The following OSGIN1 variants were observed in gnomAD, a reference collection of about 807,000 sequenced individuals.
The protein encoded by OSGIN1 is oxidative stress induced growth inhibitor 1.
A neutral mutation model predicts 20.1 loss-of-function variants in OSGIN1; 19 were observed. The observed-to-expected ratio is 0.95, with a 90% CI of 0.66 to 1.39. OSGIN1 has a LOEUF of 1.39. Ranked by LOEUF, OSGIN1 falls within the 40% of genes most tolerant of loss-of-function variation. The pLI is 0.00. For synonymous variants in OSGIN1, 368 were observed against 297.8 expected, an observed-to-expected ratio of 1.24 and a Z score of -2.43; for missense variants, 820 against 653.0, an observed-to-expected ratio of 1.26 and a Z score of -2.79.
At chr16:83,953,471 A>AGGCG in intron 1 of OSGIN1, 101 bp downstream of exon 1, 1 of 1,116,632 alleles carries the variant, frequency 9.0e-7, no homozygotes, top group South Asian at 1.4e-5. Flanking sequence ...CCCTGGCGCC[A>AGGCG]GGCGGGGGTC....
At chr16:83,954,782 C>T in intron 1 of OSGIN1, 1 of 982,074 alleles carries the variant, frequency 1.0e-6, no homozygotes, top group Non-Finnish European at 1.2e-6. Flanking sequence ...CTGCTGCCTG[C>T]AAAGGGTGGG....
intron 3 of OSGIN1, among the ~76,000 whole-genome samples, chr16:83,959,978 C>A (rs1489981155): frequency 6.6e-6 from 1 of 152,198 alleles, no homozygotes; most frequent in African/African-American, 2.4e-5. Flanking sequence ...CCACTGTGCT[C>A]CTCCACGACC....
In OSGIN1 at chr16:83,965,329, G is replaced by T. The variant is rs374999260; in HGVS notation, c.756G>T (p.Pro252=). 4 of 1,574,036 alleles carry T rather than the reference G, an allele frequency of 2.5e-6. No individual in the cohort carries two copies. In the Admixed American group the frequency reaches 6.9e-5, roughly 27 times the overall value. The stretch of plus-strand genomic sequence containing the variant: ...TCGCCACAGGCACGTTCGACAGCCC[G>T]GCCCGGCTGGGCATCCCCGGGGAGG... ...VVLATGTFDS[P]ARLGIPGEAL... The change falls in exon 6 of 6, where the codon CCG becomes CCT. Residue 252 remains proline, a synonymous_variant. Transcript: ENST00000393306.
In OSGIN1 at chr16:83,965,438, C is replaced by T. The variant is rs1331817299; in HGVS notation, c.865C>T (p.Leu289Phe). The T allele has an allele frequency of 6.3e-7, 1 of 1,593,164 alleles. No individual in the cohort carries two copies. Among genetic ancestry groups the T allele is most frequent in the Admixed American group, 1.7e-5 (1 of 59,474 alleles). Residue 289 changes from leucine (L) to phenylalanine (F), a missense_variant, in exon 6 of 6, where the codon CTC becomes TTC. Leu to Phe is a conservative substitution (Grantham distance 22). Transcript: ENST00000393306. ...GAVTPASDPV[L>F]IIGAGLSAAD... Reference sequence around the variant, plus strand: ...GGTGACCCCGGCCTCAGACCCTGTCCTCATCATTGGCGCGGGGCTGTCAGC... The same window carrying T: ...GGTGACCCCGGCCTCAGACCCTGTCTTCATCATTGGCGCGGGGCTGTCAGC...
intron 4 of OSGIN1, 33 bp downstream of exon 4, chr16:83,960,793 G>A (rs781754590): frequency 9.4e-6 from 15 of 1,603,484 alleles, no homozygotes; most frequent in Non-Finnish European, 1.2e-5. Context: ...GGCTTGTGGG[G>A]GGCTCTCTCC....
intron 1 of OSGIN1, among the ~76,000 whole-genome samples, chr16:83,956,239 G>A (rs1193962510): frequency 6.6e-6 from 1 of 152,234 alleles, no homozygotes; most frequent in East Asian, 1.9e-4. Flanking sequence ...GCCTGGAGGT[G>A]GACGAAGGTG....
rs1460313662 is a variant in OSGIN1, at chr16:83,965,203, C to G, written c.630C>G (p.Ser210Arg). Residue 210 changes from serine to arginine, a missense_variant, in exon 6 of 6, where the codon AGC (serine) becomes AGG (arginine). By Grantham distance (110) the Ser-to-Arg change is moderately radical. Coordinates refer to ENST00000393306, the MANE Select transcript of OSGIN1 (RefSeq NM_182981.3). ...AVEWGTPDPS[S>R]CGAQDSSPLF... Reference sequence around the variant, plus strand: ...AGTGGGGGACCCCCGATCCCAGCAGCTGTGGGGCCCAGGACTCCAGCCCCC... The same window carrying G: ...AGTGGGGGACCCCCGATCCCAGCAGGTGTGGGGCCCAGGACTCCAGCCCCC... The G allele has an allele frequency of 5.0e-6, 8 of 1,613,084 alleles. No homozygotes were observed. The highest frequency in any genetic ancestry group is 6.8e-6 in the Non-Finnish European group (8 of 1,180,004).
At chr16:83,957,827 C>T (rs1909012066) in intron 2 of OSGIN1, 89 bp downstream of exon 2, 5 of 480,842 alleles carry the variant, frequency 1.0e-5, no homozygotes, top group Non-Finnish European at 1.8e-5. Context: ...CAAGTCCAGG[C>T]CTGGTGTCTT....
Position 83,965,454 on chromosome 16 carries a change from G to T in OSGIN1, c.881G>T (p.Gly294Val), listed in dbSNP as rs1310974616. 1 of 1,599,824 alleles carries T rather than the reference G, an allele frequency of 6.3e-7. No homozygotes were observed. Among genetic ancestry groups the T allele is most frequent in the African/African-American group, 1.3e-5 (1 of 75,006 alleles). Residue 294 changes from glycine to valine, a missense_variant, in exon 6 of 6, where the codon GGG (glycine) becomes GTG (valine). Gly to Val is a moderately radical substitution (Grantham distance 109). Transcript: ENST00000393306. ...ASDPVLIIGA[G>V]LSAADAVLYA... ...GACCCTGTCCTCATCATTGGCGCGG[G>T]GCTGTCAGCGGCCGACGCGGTCCTC...
At chr16:83,958,302 G>C (rs977671680) in intron 2 of OSGIN1, among the ~76,000 whole-genome samples, 8 of 152,184 alleles carry the variant, frequency 5.3e-5, no homozygotes, top group Admixed American at 6.5e-5. Flanking sequence ...CAGGGGTCTA[G>C]AACACACCCA....
chr16:83,963,093 C>T (rs1472274373), intron 5 of OSGIN1, among the ~76,000 whole-genome samples: 1 of 152,208 alleles, frequency 6.6e-6, no homozygotes, highest in Non-Finnish European at 1.5e-5. Context: ...GGGCTGTGAC[C>T]AGGCCTGTGT....
At chr16:83,961,633 C>A (rs1191250432) in intron 5 of OSGIN1, among the ~76,000 whole-genome samples, 1 of 152,172 alleles carries the variant, frequency 6.6e-6, no homozygotes. Context: ...TCCTCTTCTT[C>A]CAGAGGGGGA....
chr16:83,953,366 G>C lies in OSGIN1; in HGVS notation c.-37G>C. On this transcript the variant is annotated 5_prime_UTR_variant, in exon 1 of 6. Coordinates refer to ENST00000393306, the MANE Select transcript of OSGIN1 (RefSeq NM_182981.3). The stretch of plus-strand genomic sequence containing the variant: ...TCACTGGGCTCCTGCACCACTGCCT[G>C]TCAGGTGAGTGTCCGGGGCCAGGTT... 2 of 1,288,800 alleles carry C rather than the reference G, an allele frequency of 1.6e-6. No individual in the cohort carries two copies. The highest frequency in any genetic ancestry group is 2.0e-6 in the Non-Finnish European group (2 of 988,498). The allele number at this position is 1,288,800 out of a possible 1,614,324, so 79.8% of individuals were successfully genotyped here.
At chr16:83,957,975 C>T (rs572633548) in intron 2 of OSGIN1, among the ~76,000 whole-genome samples, 3 of 152,148 alleles carry the variant, frequency 2.0e-5, no homozygotes, top group Non-Finnish European at 4.4e-5. Flanking sequence ...CTCCCGGGCT[C>T]AAGCGATTCT....
chr16:83,959,478 A>C, intron 3 of OSGIN1, 82 bp downstream of exon 3: 3 of 1,330,148 alleles, frequency 2.3e-6, no homozygotes, highest in Non-Finnish European at 3.1e-6. Flanking sequence ...GGAAAAACAA[A>C]AGTGTGTGTT....
intron 1 of OSGIN1, 102 bp downstream of exon 1, chr16:83,953,472 G>A: frequency 9.0e-7 from 1 of 1,113,470 alleles, no homozygotes; most frequent in African/African-American, 1.6e-5. Context: ...CCTGGCGCCA[G>A]GCGGGGGTCC....
Position 83,959,437 on chromosome 16 carries a change from C to T in OSGIN1, c.204+41C>T, listed in dbSNP as rs79061594. 329 of 1,544,284 alleles carry T rather than the reference C, an allele frequency of 2.1e-4. 1 individual carries two copies. The African/African-American group carries it at 4.1e-3, about 19-fold the overall frequency. Reference sequence around the variant, plus strand: ...GCCAGAGCTCTGGGTAGTACATACCCGCCCTTGGAAAACTACCGCCGCTTT... The same window carrying T: ...GCCAGAGCTCTGGGTAGTACATACCTGCCCTTGGAAAACTACCGCCGCTTT... On this transcript the variant is annotated intron_variant, in intron 3 of 5. Transcript: ENST00000393306.
intron 2 of OSGIN1, 118 bp downstream of exon 2, chr16:83,957,856 ATT>A: frequency 2.5e-6 from 1 of 396,858 alleles, no homozygotes. Context: ...TTTGGGGTTT[ATT>A]TTTTATTTAT....
intron 2 of OSGIN1, 80 bp from the exon 3 acceptor site, chr16:83,959,180 G>A (rs2665296): frequency 0.96 from 892,700 of 930,728 alleles, 428,434 homozygotes; most frequent in East Asian, 1. Context: ...TGAATGCGCC[G>A]CATCTAGATC....
Sources: gnomAD v4.1 joint callset for allele counts (sites outside exome capture counted in the v4.1 genomes callset) on GRCh38, gnomAD v4.1.1 for gene constraint, MANE v1.5 for transcripts, NCBI Gene and HGNC (gene_info 2026-07-23, HGNC 2026-07-21) for gene names.